GALNTL6: variants seen among roughly 807,000 people sequenced by gnomAD.
GALNTL6 encodes the protein polypeptide N-acetylgalactosaminyltransferase like 6, also known as polypeptide N-acetylgalactosaminyltransferase-like 6.
A neutral mutation model predicts 73.7 loss-of-function variants in GALNTL6; 46 were observed. The observed-to-expected ratio is 0.62, with a 90% CI of 0.49 to 0.80. The LOEUF (loss-of-function observed/expected upper bound fraction) is 0.80. GALNTL6 is among the 30% of genes least tolerant of loss of function. The pLI, the probability that GALNTL6 is intolerant of heterozygous loss-of-function variation, is 0.00. For synonymous variants in GALNTL6, 259 were observed against 263.7 expected (o/e 0.98, Z 0.17); for missense variants, 604 against 755.0 (o/e 0.80, Z 2.34).
At chr4:172,415,188 T>G (rs1364326571) in intron 5 of GALNTL6, among the ~76,000 whole-genome samples, 1 of 152,214 alleles carries the variant, frequency 6.6e-6, no homozygotes, top group Non-Finnish European at 1.5e-5. Flanking sequence ...CTGAGCAACT[T>G]TCCAAAATCC....
At chr4:172,695,173 TA>T (rs767697645) in intron 5 of GALNTL6, among the ~76,000 whole-genome samples, 33 of 152,094 alleles carry the variant, frequency 2.2e-4, no homozygotes, top group Admixed American at 8.5e-4. Context: ...AATGTCGACA[TA>T]AAAAAGTAGG....
At chr4:172,011,998 T>G (rs1741024642) in intron 2 of GALNTL6, among the ~76,000 whole-genome samples, 1 of 152,016 alleles carries the variant, frequency 6.6e-6, no homozygotes, top group Admixed American at 6.6e-5. Flanking sequence ...GCAAGCCTGC[T>G]TATTGATTTG....
At chr4:172,368,363 A>G (rs1270714014) in intron 5 of GALNTL6, among the ~76,000 whole-genome samples, 1 of 152,224 alleles carries the variant, frequency 6.6e-6, no homozygotes, top group Non-Finnish European at 1.5e-5. Flanking sequence ...CCTGGGCGAC[A>G]GTGCGAGACT....
chr4:172,389,299 A>G (rs1317979638), intron 5 of GALNTL6, among the ~76,000 whole-genome samples: 1 of 152,180 alleles, frequency 6.6e-6, no homozygotes, highest in African/African-American at 2.4e-5. Context: ...GCAGAAAAAA[A>G]GAGAAAAAGA....
At chr4:171,952,323 A>C (rs1462813259) in intron 2 of GALNTL6, among the ~76,000 whole-genome samples, 1 of 152,046 alleles carries the variant, frequency 6.6e-6, no homozygotes, top group Non-Finnish European at 1.5e-5. Context: ...AATTTTCCTA[A>C]AGCACTGTTT....
At chr4:172,814,640 G>A (rs879356696) in intron 7 of GALNTL6, among the ~76,000 whole-genome samples, 3 of 151,962 alleles carry the variant, frequency 2.0e-5, no homozygotes, top group South Asian at 4.1e-4. Context: ...TAAAAATATC[G>A]TCTTTTCATC....
chr4:172,530,091 AC>A (rs1561124403), intron 5 of GALNTL6, among the ~76,000 whole-genome samples: 1 of 151,890 alleles, frequency 6.6e-6, no homozygotes, highest in East Asian at 1.9e-4. Context: ...AGCTAGAAGG[AC>A]ATCTGGATTT....
At chr4:172,000,962 G>A (rs1740655254) in intron 2 of GALNTL6, among the ~76,000 whole-genome samples, 1 of 152,128 alleles carries the variant, frequency 6.6e-6, no homozygotes, top group Admixed American at 6.6e-5. Flanking sequence ...CTTTCAGAAG[G>A]CAGAAAGTTG....
Position 172,468,487 on chromosome 4 carries a change from G to A in GALNTL6, c.553+119798G>A, listed in dbSNP as rs553644846. Among the ~76,000 whole-genome samples, 9 of 152,284 alleles carry A rather than the reference G, an allele frequency of 5.9e-5. No individual in the cohort carries two copies. In the East Asian group the frequency reaches 1.7e-3, roughly 29 times the overall value. On this transcript the variant is annotated intron_variant, in intron 5 of 12. Coordinates refer to ENST00000506823, the MANE Select transcript of GALNTL6 (RefSeq NM_001034845.3). ...TCTATTGGGTACAAATGAAATGAAAGTAAATTGTCCTTCCTGTAAGGGGAT... is the reference window on the plus strand; with the variant it reads ...TCTATTGGGTACAAATGAAATGAAAATAAATTGTCCTTCCTGTAAGGGGAT...
chr4:172,992,187 T>A (rs1029146803), intron 10 of GALNTL6, among the ~76,000 whole-genome samples: 5 of 152,240 alleles, frequency 3.3e-5, no homozygotes, highest in Non-Finnish European at 5.9e-5. Flanking sequence ...GAACTGCAGA[T>A]AATGTCTGAC....
chr4:172,420,383 A>C lies in GALNTL6; in HGVS notation c.553+71694A>C, dbSNP rs139016806. ...GCAGTAACTCCCAGATGTTATTTGT[A>C]ATTGCTTCACAGCATAGTGAATTCT... On this transcript the variant is annotated intron_variant, in intron 5 of 12. Transcript: ENST00000506823. 4.6e-3 allele frequency among the ~76,000 whole-genome samples: 707 copies of C among 152,312 alleles called. 8 individuals are homozygous for C. The highest frequency in any genetic ancestry group is 0.016 in the African/African-American group (684 of 41,576).
chr4:172,284,071 T>A (rs1364130835), intron 3 of GALNTL6, among the ~76,000 whole-genome samples: 1 of 152,150 alleles, frequency 6.6e-6, no homozygotes, highest in African/African-American at 2.4e-5. Context: ...AAATGCTAAA[T>A]TTGCTATAAA....
intron 5 of GALNTL6, among the ~76,000 whole-genome samples, chr4:172,541,730 C>T (rs1735555644): frequency 6.6e-6 from 1 of 152,138 alleles, no homozygotes; most frequent in Non-Finnish European, 1.5e-5. Flanking sequence ...TTTGAGAGGG[C>T]CACATGAGCA....
At chr4:172,456,326 G>T (rs747857341) in intron 5 of GALNTL6, among the ~76,000 whole-genome samples, 1 of 151,926 alleles carries the variant, frequency 6.6e-6, no homozygotes, top group Non-Finnish European at 1.5e-5. Flanking sequence ...TGCCAACAAG[G>T]AAACAAAACT....
At chr4:172,533,785 A>G (rs1341064107) in intron 5 of GALNTL6, among the ~76,000 whole-genome samples, 1 of 152,200 alleles carries the variant, frequency 6.6e-6, no homozygotes, top group East Asian at 1.9e-4. Context: ...AAAAATTCCA[A>G]GATCCCAAGA....
chr4:172,636,074 G>A (rs776418022), intron 5 of GALNTL6, among the ~76,000 whole-genome samples: 1 of 152,058 alleles, frequency 6.6e-6, no homozygotes, highest in Non-Finnish European at 1.5e-5. Flanking sequence ...AAGGACCAAG[G>A]AGTCCTGGAA....
At chr4:172,692,915 C>G (rs897568671) in intron 5 of GALNTL6, among the ~76,000 whole-genome samples, 1 of 152,000 alleles carries the variant, frequency 6.6e-6, no homozygotes, top group African/African-American at 2.4e-5. Context: ...TGGTGATGAC[C>G]CAGAATGACT....
intron 10 of GALNTL6, among the ~76,000 whole-genome samples, chr4:172,970,829 C>T (rs1034465505): frequency 2.0e-5 from 3 of 152,074 alleles, no homozygotes; most frequent in Admixed American, 6.5e-5. Flanking sequence ...TCCATGAAGT[C>T]GTCACAATTA....
At chr4:172,823,409 C>A (rs967429258) in intron 7 of GALNTL6, among the ~76,000 whole-genome samples, 2 of 152,210 alleles carry the variant, frequency 1.3e-5, no homozygotes, top group Non-Finnish European at 2.9e-5. Context: ...GCTCTGCTTT[C>A]TTCCATTTAG....
Sources: allele counts gnomAD v4.1 joint callset (sites outside exome capture counted in the v4.1 genomes callset), GRCh38; gene constraint gnomAD v4.1.1; transcripts MANE v1.5; gene names NCBI Gene and HGNC (gene_info 2026-07-23, HGNC 2026-07-21).